Variants in DPYD observed in about 807,000 individuals in gnomAD.
The protein encoded by DPYD is dihydropyrimidine dehydrogenase, also known as dihydropyrimidine dehydrogenase [NADP(+)].
DPYD carries 109 observed loss-of-function variants against 116.2 expected under a neutral mutation model. That is an observed-to-expected ratio of 0.94 (90% confidence interval 0.80 to 1.10). DPYD has a LOEUF of 1.10. Ranked by LOEUF, DPYD falls within the 50% of genes least tolerant of loss-of-function variation. The probability of loss-of-function intolerance (pLI) is 0.00; values close to 1 mark genes in which losing one functional copy is unlikely to be tolerated. For missense variants in DPYD, 1,302 were observed against 1,254.5 expected (o/e 1.04, Z -0.57); for synonymous variants, 440 against 432.0 (o/e 1.02, Z -0.23).
At chr1:97,088,857 A>G (rs1649704604) in intron 21 of DPYD, among the ~76,000 whole-genome samples, 1 of 152,142 alleles carries the variant, frequency 6.6e-6, no homozygotes, top group Non-Finnish European at 1.5e-5. Flanking sequence ...TTCATCTGCT[A>G]TGTGTTGGTA....
At chr1:97,250,060 A>G (rs1278797362) in intron 18 of DPYD, among the ~76,000 whole-genome samples, 1 of 152,130 alleles carries the variant, frequency 6.6e-6, no homozygotes, top group Admixed American at 6.5e-5. Flanking sequence ...TCACGAGGTC[A>G]GGAGTTGGAG....
intron 8 of DPYD, among the ~76,000 whole-genome samples, chr1:97,662,617 A>G (rs1307378064): frequency 6.6e-6 from 1 of 152,054 alleles, no homozygotes; most frequent in Non-Finnish European, 1.5e-5. Flanking sequence ...TGGGCGACAG[A>G]TCGAGACTCT....
intron 13 of DPYD, among the ~76,000 whole-genome samples, chr1:97,505,865 T>C (rs971102203): frequency 9.9e-5 from 15 of 151,882 alleles, no homozygotes; most frequent in African/African-American, 3.6e-4. Flanking sequence ...TGAGATATTG[T>C]AGAAAAACAT....
At chr1:97,740,364 T>C in intron 4 of DPYD, 28 bp downstream of exon 4, 1 of 1,557,882 alleles carries the variant, frequency 6.4e-7, no homozygotes, top group Non-Finnish European at 8.9e-7. Context: ...ACTGTTATTT[T>C]CATTTGCAGA....
chr1:97,454,990 G>GA (rs1676605249), intron 13 of DPYD, among the ~76,000 whole-genome samples: 2 of 151,776 alleles, frequency 1.3e-5, no homozygotes, highest in Admixed American at 1.3e-4. Flanking sequence ...GCAAGTTCTA[G>GA]AAAAATATAT....
intron 1 of DPYD, among the ~76,000 whole-genome samples, chr1:97,915,508 T>C (rs1018195341): frequency 1.3e-5 from 2 of 152,132 alleles, no homozygotes; most frequent in Admixed American, 6.5e-5. Context: ...GTTATCTCAG[T>C]AGTATAATTG....
intron 16 of DPYD, among the ~76,000 whole-genome samples, chr1:97,363,027 T>C (rs897015626): frequency 6.6e-6 from 1 of 152,090 alleles, no homozygotes; most frequent in Non-Finnish European, 1.5e-5. Flanking sequence ...ACCTACAGAA[T>C]AGGAGAAAAT....
intron 19 of DPYD, among the ~76,000 whole-genome samples, chr1:97,202,152 T>C (rs910626902): frequency 5.9e-5 from 9 of 152,152 alleles, no homozygotes; most frequent in Non-Finnish European, 1.2e-4. Flanking sequence ...GGAGATGTTG[T>C]TTTTCAAAAG....
intron 20 of DPYD, among the ~76,000 whole-genome samples, chr1:97,121,184 C>T (rs1168705177): frequency 1.3e-5 from 2 of 152,130 alleles, no homozygotes; most frequent in South Asian, 2.1e-4. Context: ...GGTGGAGCCC[C>T]TGAGCAGGTG....
chr1:97,273,783 A>G (rs1310674178), intron 18 of DPYD, among the ~76,000 whole-genome samples: 2 of 152,138 alleles, frequency 1.3e-5, no homozygotes, highest in African/African-American at 4.8e-5. Context: ...CTTGTCTGAT[A>G]TGTCTTTTGC....
intron 16 of DPYD, among the ~76,000 whole-genome samples, chr1:97,339,279 T>G (rs751008341): frequency 1.3e-5 from 2 of 152,076 alleles, no homozygotes; most frequent in South Asian, 2.1e-4. Context: ...GAATAAAAAT[T>G]CTGTTGAAGA....
At chr1:97,104,077 T>A (rs1408238664) in intron 20 of DPYD, among the ~76,000 whole-genome samples, 2 of 152,110 alleles carry the variant, frequency 1.3e-5, no homozygotes, top group Non-Finnish European at 2.9e-5. Context: ...ATCCTGGGCA[T>A]ATTTTAATCT....
At chr1:97,703,508 T>C (rs1443701237) in intron 5 of DPYD, among the ~76,000 whole-genome samples, 3 of 152,004 alleles carry the variant, frequency 2.0e-5, no homozygotes, top group Non-Finnish European at 2.9e-5. Flanking sequence ...CTACTTCTCA[T>C]TTCACCTAGT....
At chr1:97,640,338 G>A (rs1379036614) in intron 8 of DPYD, among the ~76,000 whole-genome samples, 1 of 150,550 alleles carries the variant, frequency 6.6e-6, no homozygotes, top group Non-Finnish European at 1.5e-5. Flanking sequence ...TATTTTTGAC[G>A]GAGTCTCTCT....
intron 1 of DPYD, among the ~76,000 whole-genome samples, chr1:97,886,812 A>G (rs1439521027): frequency 6.6e-6 from 1 of 152,056 alleles, no homozygotes; most frequent in Non-Finnish European, 1.5e-5. Context: ...AAACTGAACC[A>G]TAAGGCAGGT....
chr1:97,430,998 G>A (rs1234169889), intron 14 of DPYD, among the ~76,000 whole-genome samples: 1 of 151,898 alleles, frequency 6.6e-6, no homozygotes, highest in Non-Finnish European at 1.5e-5. Context: ...CCTGGAGGAG[G>A]AAATTAAAAA....
intron 20 of DPYD, among the ~76,000 whole-genome samples, chr1:97,154,467 T>C (rs1176418614): frequency 6.6e-6 from 1 of 152,066 alleles, no homozygotes. Context: ...ATAAGAATGA[T>C]ACAGTGGGGC....
At chr1:97,717,733 A>G (rs1413334139) in intron 5 of DPYD, among the ~76,000 whole-genome samples, 1 of 151,972 alleles carries the variant, frequency 6.6e-6, no homozygotes, top group Non-Finnish European at 1.5e-5. Context: ...ATTTAGAAAA[A>G]TGGTCTCCAA....
rs1676331373 is a variant in DPYD at position 97,450,162 on chromosome 1, C to G, written c.1802G>C (p.Gly601Ala). Residue 601 changes from glycine (G) to alanine (A), a missense_variant, in exon 14 of 23, where the codon GGC becomes GCC. Gly to Ala is a moderately conservative substitution (Grantham distance 60). Coordinates refer to ENST00000370192, the MANE Select transcript of DPYD (RefSeq NM_000110.4). ...IRGTTSGPMY[G>A]PGQSSFLNIE... Reference sequence around the variant, plus strand: ...ATTCAGAAAGGAGCTTTGTCCAGGGCCATACATGGGGCCAGAGGTGGTTCC... The same window carrying G: ...ATTCAGAAAGGAGCTTTGTCCAGGGGCATACATGGGGCCAGAGGTGGTTCC... 1 of 1,613,854 alleles carries G rather than the reference C, an allele frequency of 6.2e-7. No individual in the cohort carries two copies. Among genetic ancestry groups the G allele is most frequent in the Non-Finnish European group, 8.5e-7 (1 of 1,179,886 alleles).
Sources: gnomAD v4.1 joint callset for allele counts (sites outside exome capture counted in the v4.1 genomes callset) on GRCh38, gnomAD v4.1.1 for gene constraint, MANE v1.5 for transcripts, NCBI Gene and HGNC (gene_info 2026-07-23, HGNC 2026-07-21) for gene names.